The following TMPRSS9 variants were observed in gnomAD, a reference collection of about 807,000 sequenced individuals.
TMPRSS9 encodes the protein transmembrane protease serine 9.
A neutral mutation model predicts 111.4 loss-of-function variants in TMPRSS9; 113 were observed. The ratio of observed to expected loss-of-function variants is 1.01; its 90% CI spans 0.87 to 1.19. The LOEUF (loss-of-function observed/expected upper bound fraction) is 1.19. Ranked by LOEUF, TMPRSS9 falls within the 50% of genes most tolerant of loss-of-function variation. TMPRSS9 has a pLI of 0.00. For synonymous variants in TMPRSS9, 805 were observed against 659.1 expected (o/e 1.22, Z -3.39); for missense variants, 1,803 against 1,513.1 (o/e 1.19, Z -3.18).
chr19:2,390,114 G>C (rs753548486), intron 1 of TMPRSS9, among the ~76,000 whole-genome samples, 187 bp downstream of exon 2: 1 of 151,886 alleles, frequency 6.6e-6, no homozygotes, highest in Non-Finnish European at 1.5e-5. Flanking sequence ...ACGTGTGTCA[G>C]TTTTCCCGAC....
At chr19:2,424,208 GTGC>G (rs1971539635) in exon 15 of TMPRSS9, 1 of 1,446,890 alleles carries the variant, frequency 6.9e-7, no homozygotes, top group Admixed American at 2.5e-5. Flanking sequence ...TTGCGGGGCC[GTGC>G]TGGTGGCAGA....
chr19:2,375,937 G>A (rs1236129308), intron 1 of TMPRSS9, among the ~76,000 whole-genome samples: 1 of 152,266 alleles, frequency 6.6e-6, no homozygotes, highest in South Asian at 2.1e-4. Flanking sequence ...GAGTTGGGCA[G>A]CTCCCATTTG....
intron 1 of TMPRSS9, among the ~76,000 whole-genome samples, chr19:2,363,361 A>G (rs1320484682): frequency 6.6e-6 from 1 of 152,088 alleles, no homozygotes; most frequent in East Asian, 1.9e-4. Flanking sequence ...ATCGGAGTTC[A>G]AACCCTGTTG....
chr19:2,390,308 T>G (rs1970561190), intron 1 of TMPRSS9, among the ~76,000 whole-genome samples: 1 of 141,750 alleles, frequency 7.1e-6, no homozygotes, highest in African/African-American at 2.6e-5. Flanking sequence ...TGGTGTGATA[T>G]CTCGGCTCAC....
At chr19:2,360,306 G>A (rs1289398602) in exon 1 of TMPRSS9, among the ~76,000 whole-genome samples, 18 of 152,132 alleles carry the variant, frequency 1.2e-4, no homozygotes. Flanking sequence ...GGTGAGTCGG[G>A]GTCTCCTGCG....
chr19:2,383,361 A>G (rs1222867134), intron 1 of TMPRSS9, among the ~76,000 whole-genome samples: 1 of 150,762 alleles, frequency 6.6e-6, no homozygotes, highest in African/African-American at 2.4e-5. Context: ...CAAAAAAAAA[A>G]AAGGAGAAGT....
intron 1 of TMPRSS9, among the ~76,000 whole-genome samples, chr19:2,378,979 T>A (rs1970359589): frequency 6.6e-6 from 1 of 151,940 alleles, no homozygotes; most frequent in Non-Finnish European, 1.5e-5. Flanking sequence ...GATTTAATGA[T>A]CTCCACCTAG....
rs541977018 is a variant in TMPRSS9 at position 2,362,097 on chromosome 19, T to C, written c.-26+1737T>C. Among the ~76,000 whole-genome samples, 5 of 152,122 alleles carry C rather than the reference T, an allele frequency of 3.3e-5. No individual in the cohort carries two copies. The East Asian group carries it at 9.7e-4, about 29-fold the overall frequency. On this transcript the variant is annotated intron_variant, in intron 1 of 17. Transcript: ENST00000649857. ...CATGTGATTTGTGTGTGATTGTGTA[T>C]TATATGTGTGTGTGGGGTCATGAGT...
intron 11 of TMPRSS9, 141 bp from the exon 13 acceptor site, chr19:2,416,397 C>A: frequency 8.7e-7 from 1 of 1,143,716 alleles, no homozygotes; most frequent in East Asian, 2.6e-5. Context: ...GTCCTCCTCC[C>A]TGGAGCCGAA....
chr19:2,382,631 TAC>T (rs1033011586), intron 1 of TMPRSS9, among the ~76,000 whole-genome samples: 4 of 149,708 alleles, frequency 2.7e-5, no homozygotes, highest in Admixed American at 6.7e-5. Context: ...AATGCACACG[TAC>T]ACACAGACCA....
At position 2,419,270 on chromosome 19, in the gene TMPRSS9, C is replaced by G. The variant is rs530445431; in HGVS notation, c.2154+1132C>G. 4.7e-5 allele frequency among the ~76,000 whole-genome samples: 7 copies of G among 149,968 alleles called. No individual in the cohort carries two copies. The East Asian group carries it at 1.4e-3, about 30-fold the overall frequency. On this transcript the variant is annotated intron_variant, in intron 13 of 17. Transcript: ENST00000648592. ...CCAGGCTGGAGTGCAGTGGTGCGAT[C>G]TTGGCTCACTGCAACCTCCGCCTCC...
chr19:2,396,638 G>A (rs1443134057), exon 2 of TMPRSS9: 2 of 1,606,304 alleles, frequency 1.2e-6, no homozygotes, highest in South Asian at 2.2e-5. Context: ...GACTATCACC[G>A]CACGCTGACG....
At chr19:2,384,252 C>T (rs1970426821) in intron 1 of TMPRSS9, among the ~76,000 whole-genome samples, 1 of 152,176 alleles carries the variant, frequency 6.6e-6, no homozygotes, top group African/African-American at 2.4e-5. Context: ...GGAGGGGAGG[C>T]AATGAGATCC....
intron 17 of TMPRSS9, chr19:2,425,710 C>A: frequency 1.7e-6 from 2 of 1,174,160 alleles, no homozygotes; most frequent in African/African-American, 1.6e-5. Flanking sequence ...GGCGGCAGAG[C>A]AGGCAGAGGC....
intron 1 of TMPRSS9, among the ~76,000 whole-genome samples, chr19:2,384,639 C>A (rs1178197395): frequency 6.6e-6 from 1 of 151,552 alleles, no homozygotes; most frequent in African/African-American, 2.4e-5. Context: ...CGTGGTGAAA[C>A]CCCGTCTCTA....
intron 1 of TMPRSS9, among the ~76,000 whole-genome samples, chr19:2,383,486 T>TAA (rs966420020): frequency 6.9e-6 from 1 of 145,158 alleles, no homozygotes; most frequent in Non-Finnish European, 1.5e-5. Flanking sequence ...ACCCCGTCTC[T>TAA]AAAAAAAAAA....
chr19:2,424,141 G>T, exon 15 of TMPRSS9: 1 of 1,428,748 alleles, frequency 7.0e-7, no homozygotes. Flanking sequence ...GCAGCGCAGC[G>T]GGCCGTGGGG....
intron 1 of TMPRSS9, among the ~76,000 whole-genome samples, chr19:2,374,720 T>G (rs1376434154): frequency 6.6e-6 from 1 of 152,044 alleles, no homozygotes; most frequent in Non-Finnish European, 1.5e-5. Flanking sequence ...GTTTCTCCTC[T>G]GACCACCGGC....
Position 2,403,077 on chromosome 19 carries a change from C to T in TMPRSS9, c.557-5C>T, listed in dbSNP as rs780124434. 1.9e-6 allele frequency: 3 copies of T among 1,604,210 alleles called. No homozygotes were observed. The highest frequency in any genetic ancestry group is 1.7e-5 in the Admixed American group (1 of 57,932). On this transcript the variant is annotated splice_region_variant and splice_polypyrimidine_tract_variant and intron_variant, in intron 5 of 17. Transcript: ENST00000648592. Reference sequence around the variant, plus strand: ...GTCAGAAAGTCGGTTCTTTTCTGTCCTCAGGCCGCTGTCCAGGGAACTCCT... The same window carrying T: ...GTCAGAAAGTCGGTTCTTTTCTGTCTTCAGGCCGCTGTCCAGGGAACTCCT...
Sources: allele counts gnomAD v4.1 joint callset (sites outside exome capture counted in the v4.1 genomes callset), GRCh38; gene constraint gnomAD v4.1.1; transcripts MANE v1.5; gene names NCBI Gene and HGNC (gene_info 2026-07-23, HGNC 2026-07-21).